The following MUC4 variants were observed in gnomAD, a reference collection of about 807,000 sequenced individuals.
MUC4 encodes the protein mucin-4.
MUC4 carries 202 observed loss-of-function variants against 257.9 expected under a neutral mutation model. That is an observed-to-expected ratio of 0.78 (90% CI 0.70 to 0.88). The LOEUF is 0.88. Among genes scored for constraint, MUC4 ranks in the 40% least tolerant of loss-of-function variants. The pLI, the probability that MUC4 is intolerant of heterozygous loss-of-function variation, is 0.00. For synonymous variants in MUC4, 2,351 were observed against 2,757.1 expected (o/e 0.85, Z 4.62); for missense variants, 5,976 against 6,513.7 (o/e 0.92, Z 2.84).
intron 16 of MUC4, among the ~76,000 whole-genome samples, 163 bp downstream of exon 16, chr3:195,760,721 A>C (rs1350703156): frequency 6.6e-6 from 1 of 152,096 alleles, no homozygotes; most frequent in Non-Finnish European, 1.5e-5. Flanking sequence ...GCAAGGATGG[A>C]GAGAGCCAGG....
intron 1 of MUC4, 24 bp from the exon 2 acceptor site, chr3:195,791,521 G>A: frequency 6.7e-7 from 1 of 1,488,080 alleles, no homozygotes; most frequent in Non-Finnish European, 9.3e-7. Context: ...AAATAGGCAA[G>A]CAGAGAGCTA....
chr3:195,748,852 C>T (rs1284911524), intron 24 of MUC4, 50 bp downstream of exon 24: 1 of 1,494,244 alleles, frequency 6.7e-7, no homozygotes, highest in African/African-American at 1.4e-5. Flanking sequence ...TCTTGCCCAG[C>T]TTGGGTTCCC....
intron 3 of MUC4, among the ~76,000 whole-genome samples, chr3:195,777,779 C>G (rs374088007): frequency 9.1e-5 from 3 of 33,088 alleles, no homozygotes; most frequent in African/African-American, 1.5e-4. Flanking sequence ...ACCTTCCACA[C>G]CCATACCTTC....
rs1259565309 is a variant in MUC4, at chr3:195,747,294, A to G, written c.16121T>C (p.Phe5374Ser). The change falls in exon 25 of 25, where the codon TTT becomes TCT. Residue 5374 changes from phenylalanine (F) to serine (S), a missense_variant. Phe to Ser is a radical substitution (Grantham distance 155). Coordinates refer to ENST00000463781, the MANE Select transcript of MUC4 (RefSeq NM_018406.7). The part of the protein sequence containing the change: ...MKLDAFFGIF[F>S]GALGGLLLLG... The stretch of plus-strand genomic sequence containing the variant: ...CAGCAAGAGGCCGCCCAGGGCCCCA[A>G]AGAAGATGCCGAAGAACGCGTCGAG... 4 of 1,614,176 alleles carry G rather than the reference A, an allele frequency of 2.5e-6. No homozygotes were observed. The highest frequency in any genetic ancestry group is 4.5e-5 in the East Asian group (2 of 44,894).
Position 195,749,044 on chromosome 3 carries a change from C to G in MUC4, c.15892G>C (p.Ala5298Pro). The change falls in exon 24 of 25, where the codon GCT becomes CCT. Residue 5298 changes from alanine to proline, a missense_variant. This residue lies in a region of MUC4 where 310 missense variants were observed against 242.1 expected (regional missense o/e 1.28). Coordinates refer to ENST00000463781, the MANE Select transcript of MUC4 (RefSeq NM_018406.7). ...TTGTAGCCATCGCATCTGAAGTAAG[C>G]CTTCAGCGTGCTCACGTTCACTGTC... is the stretch of plus-strand genomic sequence containing the variant. ...VTALNVSTLK[A>P]YFRCDGYKGY... 6.2e-7 allele frequency: 1 copy of G among 1,606,556 alleles called. No individual in the cohort carries two copies. The highest frequency in any genetic ancestry group is 8.5e-7 in the Non-Finnish European group (1 of 1,175,540).
chr3:195,772,854 T>TCTCCATCGCTCAGGGGTGTAGACACC, intron 4 of MUC4, among the ~76,000 whole-genome samples: 1 of 96,654 alleles, frequency 1.0e-5, no homozygotes, highest in African/African-American at 5.4e-5. Context: ...ATAGACACCC[T>TCTCCATCGCTCAGGGGTGTAGACACC]CCCTTCATCG....
chr3:195,793,672 A>T (rs1344132689), intron 1 of MUC4, among the ~76,000 whole-genome samples: 1 of 152,060 alleles, frequency 6.6e-6, no homozygotes, highest in Non-Finnish European at 1.5e-5. Flanking sequence ...TGTGAGGAGG[A>T]AGGTGAGGTT....
At chr3:195,777,870 C>T (rs749580736) in intron 3 of MUC4, among the ~76,000 whole-genome samples, 16 of 83,844 alleles carry the variant, frequency 1.9e-4, no homozygotes, top group Middle Eastern at 6.2e-3. Context: ...CCTTCCACAC[C>T]CATACCTTCC....
intron 1 of MUC4, among the ~76,000 whole-genome samples, chr3:195,806,179 C>T (rs540989532): frequency 1.3e-5 from 2 of 152,146 alleles, no homozygotes; most frequent in African/African-American, 4.8e-5. Flanking sequence ...CAAAGCCCTG[C>T]GCGATCTAAC....
chr3:195,796,627 G>A (rs1734616471), intron 1 of MUC4, among the ~76,000 whole-genome samples: 2 of 151,986 alleles, frequency 1.3e-5, no homozygotes, highest in South Asian at 4.2e-4. Context: ...GGAGGCAGAG[G>A]TTGCAGTGAG....
At position 195,788,035 on chromosome 3, in the gene MUC4, G is replaced by A. The variant is rs1732985597; in HGVS notation, c.3545C>T (p.Thr1182Ile). ...TSLSSVSTGD[T>I]TPLPVTSPSS... ...AGGGCTAGTGACAGGAAGAGGCGTG[G>A]TGTCACCTGTGGATACTGAGGAAAG... Residue 1182 changes from threonine (T) to isoleucine (I), a missense_variant, in exon 2 of 25, where the codon ACC (threonine) becomes ATC (isoleucine). Coordinates refer to ENST00000463781, the MANE Select transcript of MUC4 (RefSeq NM_018406.7). 4 of 1,455,990 alleles carry A rather than the reference G, an allele frequency of 2.7e-6. No homozygotes were observed. The East Asian group carries it at 7.9e-5, about 29-fold the overall frequency. The allele number at this position is 1,455,990 out of a possible 1,614,324, so 90.2% of individuals were successfully genotyped here. A position where few individuals can be genotyped will look rare whatever the true frequency, so the allele number is the denominator to read the frequency against.
chr3:195,805,167 T>C (rs2149076534), intron 1 of MUC4, among the ~76,000 whole-genome samples: 1 of 151,852 alleles, frequency 6.6e-6, no homozygotes, highest in South Asian at 2.1e-4. Context: ...TTCAAGTCCC[T>C]TCACAGTGGA....
intron 21 of MUC4, 167 bp from the exon 22 acceptor site, chr3:195,751,438 CAGTG>C (rs1716420359): frequency 1.6e-6 from 1 of 637,288 alleles, no homozygotes; most frequent in South Asian, 1.9e-5. Flanking sequence ...TAGCCTAGCT[CAGTG>C]AGTGTCATGG....
chr3:195,760,477 C>T (rs1281352440), intron 16 of MUC4, among the ~76,000 whole-genome samples: 5 of 133,558 alleles, frequency 3.7e-5, no homozygotes, highest in African/African-American at 1.1e-4. Context: ...AGGGGTCCAG[C>T]GCTAGGATGG....
intron 18 of MUC4, among the ~76,000 whole-genome samples, chr3:195,754,923 T>C (rs1717332272): frequency 6.7e-6 from 1 of 148,264 alleles, no homozygotes; most frequent in Admixed American, 6.6e-5. Flanking sequence ...CATGCATGTA[T>C]GCATGTATCC....
chr3:195,801,032 C>T (rs1735236787), intron 1 of MUC4, among the ~76,000 whole-genome samples: 1 of 152,164 alleles, frequency 6.6e-6, no homozygotes, highest in Non-Finnish European at 1.5e-5. Flanking sequence ...ATGATAGTAT[C>T]CACTCTTAAC....
intron 16 of MUC4, 31 bp from the exon 17 acceptor site, chr3:195,759,292 A>T (rs748954019): frequency 1.2e-6 from 2 of 1,609,964 alleles, no homozygotes; most frequent in Non-Finnish European, 1.7e-6. Flanking sequence ...GGGGGTTCCG[A>T]GGCAGGACAG....
chr3:195,771,715 G>T lies in MUC4; in HGVS notation c.13179C>A (p.Ala4393=). Reference sequence around the variant, plus strand: ...CATCGTCCCAGAACGGAGCCACCAGGGCCACAGGGTCCCGGCCTGTGAAGC... The same window carrying T: ...CATCGTCCCAGAACGGAGCCACCAGTGCCACAGGGTCCCGGCCTGTGAAGC... ...PTGFTGRDPV[A]LVAPFWDDAD... Residue 4393 remains alanine, a synonymous_variant, in exon 5 of 25, where the codon GCC becomes GCA. Coordinates refer to ENST00000463781, the MANE Select transcript of MUC4 (RefSeq NM_018406.7). 2 of 1,613,936 alleles carry T rather than the reference G, an allele frequency of 1.2e-6. No homozygotes were observed. The highest frequency in any genetic ancestry group is 1.7e-6 in the Non-Finnish European group (2 of 1,179,866).
intron 3 of MUC4, 22 bp from the exon 4 acceptor site, chr3:195,774,327 C>T (rs1295363659): frequency 6.7e-7 from 1 of 1,499,852 alleles, no homozygotes; most frequent in Non-Finnish European, 8.9e-7. Context: ...CAGAGAAGAG[C>T]AGGAAGTCCA....
Sources: allele counts gnomAD v4.1 joint callset (sites outside exome capture counted in the v4.1 genomes callset), GRCh38; gene constraint gnomAD v4.1.1; regional missense constraint gnomAD v4.1.1; transcripts MANE v1.5; gene names NCBI Gene and HGNC (gene_info 2026-07-23, HGNC 2026-07-21).